The following ALKAL1 variants were observed in gnomAD, a reference collection of about 807,000 sequenced individuals.
ALKAL1 encodes the protein AUG-beta.
ALKAL1 carries 23 observed loss-of-function variants against 13.5 expected under a neutral mutation model. The observed-to-expected ratio is 1.70, with a 90% CI of 1.23 to 2.41. The LOEUF (loss-of-function observed/expected upper bound fraction) is 2.41, where lower values mean the gene tolerates loss of function less well. ALKAL1 is among the 30% of genes most tolerant of loss of function. The pLI, the probability that ALKAL1 is intolerant of heterozygous loss-of-function variation, is 0.00. For missense variants in ALKAL1, 181 were observed against 178.4 expected (o/e 1.01, Z -0.08); for synonymous variants, 85 against 77.7 (o/e 1.09, Z -0.49).
At chr8:52,539,806 A>AG in intron 3 of ALKAL1, 25 bp downstream of exon 3, 1 of 1,558,342 alleles carries the variant, frequency 6.4e-7, no homozygotes, top group African/African-American at 1.4e-5. Context: ...AATTAAAAAA[A>AG]AAAAAACCCA....
At chr8:52,544,920 A>G (rs1234241543) in intron 1 of ALKAL1, among the ~76,000 whole-genome samples, 1 of 152,106 alleles carries the variant, frequency 6.6e-6, no homozygotes, top group Admixed American at 6.6e-5. Flanking sequence ...TTAATAAATA[A>G]ATTTTGTTTT....
At chr8:52,554,383 T>A (rs1463942484) in intron 1 of ALKAL1, among the ~76,000 whole-genome samples, 1 of 152,248 alleles carries the variant, frequency 6.6e-6, no homozygotes, top group East Asian at 1.9e-4. Context: ...AATAATGTTC[T>A]TGGATTAGGC....
At chr8:52,541,593 C>A (rs913115818) in intron 2 of ALKAL1, among the ~76,000 whole-genome samples, 1 of 152,008 alleles carries the variant, frequency 6.6e-6, no homozygotes, top group African/African-American at 2.4e-5. Flanking sequence ...TGTGGTGAAA[C>A]CCCATCTCTA....
At chr8:52,559,868 T>A (rs570178184) in intron 1 of ALKAL1, among the ~76,000 whole-genome samples, 15 of 152,272 alleles carry the variant, frequency 9.9e-5, no homozygotes, top group African/African-American at 2.6e-4. Context: ...TATAAATCAA[T>A]AAATAAATAT....
chr8:52,565,238 C>G lies in ALKAL1; in HGVS notation c.19G>C (p.Gly7Arg), dbSNP rs113517128. The G allele has an allele frequency of 1.0e-3, 1,345 of 1,318,708 alleles. 12 individuals carry two copies. The African/African-American group carries it at 0.018, about 17-fold the overall frequency. The allele number at this position is 1,318,708 out of a possible 1,614,324, so 81.7% of individuals were successfully genotyped here. A position where few individuals can be genotyped will look rare whatever the true frequency, so the allele number is the denominator to read the frequency against. The change falls in exon 1 of 5, where the codon GGC (glycine) becomes CGC (arginine). Residue 7 changes from glycine (G) to arginine (R), a missense_variant. Coordinates refer to ENST00000358543, the MANE Select transcript of ALKAL1 (RefSeq NM_207413.4). The stretch of plus-strand genomic sequence containing the variant: ...AGGAAGAGTGCGGGCAAAGGGGCGC[C>G]GGGCTTAAGGGGCCGCATGTTCGCA... MRPLKP[G>R]APLPALFLLA...
intron 1 of ALKAL1, among the ~76,000 whole-genome samples, chr8:52,562,986 C>T (rs1233469346): frequency 2.6e-5 from 4 of 152,196 alleles, no homozygotes; most frequent in Non-Finnish European, 4.4e-5. Flanking sequence ...TCATGAGCCA[C>T]CCTTTTCTCC....
chr8:52,557,773 T>G (rs543623309), intron 1 of ALKAL1, among the ~76,000 whole-genome samples: 8 of 152,142 alleles, frequency 5.3e-5, no homozygotes, highest in Admixed American at 2.0e-4. Flanking sequence ...TCACTTGAGG[T>G]CAGGAGTTTG....
At chr8:52,538,627 T>C in intron 3 of ALKAL1, 120 bp from the exon 4 acceptor site, 1 of 649,552 alleles carries the variant, frequency 1.5e-6, no homozygotes, top group South Asian at 2.1e-5. Flanking sequence ...ACCTACTATG[T>C]TAAGTGCTGA....
At chr8:52,546,845 G>C (rs1847374326) in intron 1 of ALKAL1, among the ~76,000 whole-genome samples, 1 of 152,160 alleles carries the variant, frequency 6.6e-6, no homozygotes, top group Non-Finnish European at 1.5e-5. Context: ...AGTAAAGATT[G>C]CCTTGCTGAG....
intron 1 of ALKAL1, among the ~76,000 whole-genome samples, chr8:52,563,739 CA>C (rs1433176526): frequency 2.6e-5 from 4 of 152,208 alleles, no homozygotes; most frequent in African/African-American, 9.6e-5. Flanking sequence ...GAGGGCTCCC[CA>C]GTGGCCGGCT....
At chr8:52,555,667 G>A (rs550581373) in intron 1 of ALKAL1, among the ~76,000 whole-genome samples, 3 of 151,974 alleles carry the variant, frequency 2.0e-5, no homozygotes, top group African/African-American at 4.8e-5. Context: ...CCAGGTACTC[G>A]ACAACTAGAG....
chr8:52,565,281 G>C lies in ALKAL1; in HGVS notation c.-25C>G, dbSNP rs1029408984. 17 of 1,289,786 alleles carry C rather than the reference G, an allele frequency of 1.3e-5. No homozygotes were observed. Among genetic ancestry groups the C allele is most frequent in the African/African-American group, 3.1e-5 (2 of 64,636 alleles). 79.9% of individuals were successfully genotyped at this position (1,289,786 alleles called of 1,614,324 possible). A position where few individuals can be genotyped will look rare whatever the true frequency, so the allele number is the denominator to read the frequency against. Reference sequence around the variant, plus strand: ...TGTTCGCAAGCCGGGAGGAGAGAGCGGGAGACTCCGGGAGGATCCCGACGC... The same window carrying C: ...TGTTCGCAAGCCGGGAGGAGAGAGCCGGAGACTCCGGGAGGATCCCGACGC... On this transcript the variant is annotated 5_prime_UTR_variant, in exon 1 of 5. Coordinates refer to ENST00000358543, the MANE Select transcript of ALKAL1 (RefSeq NM_207413.4).
intron 1 of ALKAL1, among the ~76,000 whole-genome samples, chr8:52,543,503 G>A (rs937256916): frequency 5.9e-5 from 9 of 152,342 alleles, no homozygotes; most frequent in East Asian, 3.9e-4. Context: ...TGTGAGTTCA[G>A]GGCCTGGTTC....
At chr8:52,550,624 G>C (rs1398046968) in intron 1 of ALKAL1, among the ~76,000 whole-genome samples, 1 of 152,186 alleles carries the variant, frequency 6.6e-6, no homozygotes, top group East Asian at 1.9e-4. Flanking sequence ...CAAGAAGTCT[G>C]AAATCAAGAT....
At chr8:52,549,516 G>A (rs1020100666) in intron 1 of ALKAL1, among the ~76,000 whole-genome samples, 12 of 151,512 alleles carry the variant, frequency 7.9e-5, no homozygotes, top group Admixed American at 6.6e-5. Context: ...AAGTTCTCCT[G>A]TGTCTCTGTA....
Position 52,538,105 on chromosome 8 carries a change from G to A in ALKAL1, c.*12+326C>T, listed in dbSNP as rs376890213. ...TCTGCCTCCGAAAAAAAAAAAAAAG[G>A]CTAAAGAGGAGTGGGGAGGCGCAGC... is the stretch of plus-strand genomic sequence containing the variant. On this transcript the variant is annotated intron_variant, in intron 4 of 4. Coordinates refer to ENST00000358543, the MANE Select transcript of ALKAL1 (RefSeq NM_207413.4). Among the ~76,000 whole-genome samples, 21 of 151,086 alleles carry A rather than the reference G, an allele frequency of 1.4e-4. 1 individual carries two copies. In the East Asian group the frequency reaches 1.7e-3, roughly 13 times the overall value.
intron 3 of ALKAL1, among the ~76,000 whole-genome samples, chr8:52,538,868 G>GTTTTA (rs1009084149): frequency 1.3e-5 from 2 of 151,636 alleles, no homozygotes; most frequent in African/African-American, 2.4e-5. Flanking sequence ...AAGTTGTTTT[G>GTTTTA]TTTTATTTTA....
rs182022759 is a variant in ALKAL1 at position 52,549,867 on chromosome 8, G to C, written c.191-7422C>G. ...CGAGGCAGGAGAATCACTGGAACCA[G>C]GGAGGCGGAGGTTGCAGTGAGCCCA... On this transcript the variant is annotated intron_variant, in intron 1 of 4. Transcript: ENST00000358543. Among the ~76,000 whole-genome samples the C allele has an allele frequency of 3.6e-3, 553 of 152,234 alleles. 3 individuals carry two copies. Among genetic ancestry groups the C allele is most frequent in the African/African-American group, 0.012 (492 of 41,542 alleles).
intron 4 of ALKAL1, 32 bp from the exon 5 acceptor site, chr8:52,534,632 A>G (rs1250315150): frequency 1.0e-5 from 6 of 578,400 alleles, no homozygotes; most frequent in Non-Finnish European, 1.8e-5. Context: ...CATATCATTT[A>G]TGACCTGGTT....
Sources: allele counts gnomAD v4.1 joint callset (sites outside exome capture counted in the v4.1 genomes callset), GRCh38; gene constraint gnomAD v4.1.1; transcripts MANE v1.5; gene names NCBI Gene and HGNC (gene_info 2026-07-23, HGNC 2026-07-21).